The following ARHGAP23 variants were observed in gnomAD, a reference collection of about 807,000 sequenced individuals.
The protein encoded by ARHGAP23 is rho GTPase-activating protein 23.
Under a neutral mutation model 136.3 loss-of-function variants are expected in ARHGAP23, and 34 were observed. That is an observed-to-expected ratio of 0.25 (90% confidence interval 0.19 to 0.33). The LOEUF is 0.33. Ranked by LOEUF, ARHGAP23 falls within the 10% of genes least tolerant of loss-of-function variation. The pLI, the probability that ARHGAP23 is intolerant of heterozygous loss-of-function variation, is 1.00. For synonymous variants in ARHGAP23, 832 were observed against 920.5 expected (o/e 0.90, Z 1.74); for missense variants, 1,808 against 2,139.0 (o/e 0.85, Z 3.05).
chr17:38,420,268 C>T (rs1391374637), intron 1 of ARHGAP23, among the ~76,000 whole-genome samples: 1 of 152,226 alleles, frequency 6.6e-6, no homozygotes, highest in Admixed American at 6.5e-5. Flanking sequence ...TGATGGGGGG[C>T]AGAGCGAGGG....
chr17:38,444,631 C>T (rs562795176), intron 1 of ARHGAP23, among the ~76,000 whole-genome samples: 31 of 152,126 alleles, frequency 2.0e-4, no homozygotes, highest in Non-Finnish European at 3.4e-4. Flanking sequence ...TCAGGCTGGG[C>T]GATCCCCCTG....
chr17:38,452,141 C>T (rs113372726), intron 1 of ARHGAP23, among the ~76,000 whole-genome samples: 2,134 of 152,196 alleles, frequency 0.014, 58 homozygotes, highest in African/African-American at 0.049. Flanking sequence ...CCTCGTGGTC[C>T]GCTCTGCTCC....
chr17:38,484,273 G>T (rs1318658619), intron 16 of ARHGAP23, among the ~76,000 whole-genome samples: 1 of 152,120 alleles, frequency 6.6e-6, no homozygotes, highest in Non-Finnish European at 1.5e-5. Context: ...GCATGTTTGA[G>T]CTGGGGCTGG....
At chr17:38,504,367 A>C (rs891346161) in intron 23 of ARHGAP23, among the ~76,000 whole-genome samples, 4 of 152,200 alleles carry the variant, frequency 2.6e-5, no homozygotes, top group Non-Finnish European at 4.4e-5. Flanking sequence ...AATCGGAGTC[A>C]GGGAAGCAGG....
chr17:38,441,583 C>G (rs942246193), intron 1 of ARHGAP23, among the ~76,000 whole-genome samples: 1 of 152,166 alleles, frequency 6.6e-6, no homozygotes, highest in Admixed American at 6.5e-5. Flanking sequence ...AGTGATGAGG[C>G]GTATAATGAG....
chr17:38,445,757 C>T (rs60017225), intron 1 of ARHGAP23, among the ~76,000 whole-genome samples: 26,314 of 151,650 alleles, frequency 0.17, 3,363 homozygotes, highest in African/African-American at 0.36. Flanking sequence ...ATCTCAGCTT[C>T]CTGAGGAGCT....
In ARHGAP23 at chr17:38,470,201, G is replaced by A. The variant is rs764314124; in HGVS notation, c.1974+297G>A. Among the ~76,000 whole-genome samples, 4 of 152,274 alleles carry A rather than the reference G, an allele frequency of 2.6e-5. No homozygotes were observed. The East Asian group carries it at 5.8e-4, about 22-fold the overall frequency. ...TCTCCCCTGTCTTCGCGGCTTTTTA[G>A]GTCTTCCCTGAAATTCCAGCCTCCG... On this transcript the variant is annotated intron_variant, in intron 10 of 23. Transcript: ENST00000622683.
At chr17:38,436,390 C>G (rs1214511664) in intron 1 of ARHGAP23, among the ~76,000 whole-genome samples, 5 of 132,182 alleles carry the variant, frequency 3.8e-5, no homozygotes, top group Non-Finnish European at 8.9e-5. Flanking sequence ...GCTACCCCTA[C>G]CCCCCCAAAA....
At chr17:38,464,590 A>AG (rs563134213) in intron 6 of ARHGAP23, among the ~76,000 whole-genome samples, 2 of 152,136 alleles carry the variant, frequency 1.3e-5, no homozygotes, top group East Asian at 1.9e-4. Flanking sequence ...GGGAGGAAGG[A>AG]GGGGGGGATC....
rs550358924 is a variant in ARHGAP23 at position 38,477,389 on chromosome 17, C to T, written c.2119-190C>T. Among the ~76,000 whole-genome samples the T allele has an allele frequency of 2.6e-5, 4 of 151,912 alleles. No homozygotes were observed. The East Asian group carries it at 7.8e-4, about 30-fold the overall frequency. On this transcript the variant is annotated intron_variant, in intron 11 of 23. Coordinates refer to ENST00000622683, the MANE Select transcript of ARHGAP23 (RefSeq NM_001199417.2). The surrounding 1 kb of genome is among the most constrained non-coding windows in gnomAD (Gnocchi z 6.6). ...TGATGGGTAGGGGTGTCTAGGCAGG[C>T]AAGGGGCTGAGAAGGCATTGGTGGG...
In ARHGAP23 at chr17:38,490,549, A is replaced by C. The variant is rs1339890559; in HGVS notation, c.3148A>C (p.Lys1050Gln). 2.6e-6 allele frequency: 4 copies of C among 1,541,190 alleles called. No homozygotes were observed. Among genetic ancestry groups the C allele is most frequent in the Non-Finnish European group, 3.5e-6 (4 of 1,139,200 alleles). Residue 1050 changes from lysine to glutamine, a missense_variant and splice_region_variant, in exon 19 of 24, where the codon AAG (lysine) becomes CAG (glutamine). Lys to Gln is a moderately conservative substitution (Grantham distance 53). Around this residue, in one of 7 missense-constraint regions of ARHGAP23, gnomAD observed 105 missense variants for 200.6 expected, o/e 0.52. Transcript: ENST00000622683. ...KTIADHSEKN[K>Q]MEPRNLALVF... ...CATCGCTGACCACTCTGAGAAAAAC[A>C]AGGTGGGTAGGAGTCCCGCATGGAG... is the stretch of plus-strand genomic sequence containing the variant.
At chr17:38,493,805 A>G (rs2040331130) in intron 20 of ARHGAP23, among the ~76,000 whole-genome samples, 1 of 152,224 alleles carries the variant, frequency 6.6e-6, no homozygotes, top group African/African-American at 2.4e-5. Flanking sequence ...AGATAATGGC[A>G]GAGCAGAGAG....
chr17:38,429,922 C>T (rs2038650023), intron 1 of ARHGAP23, among the ~76,000 whole-genome samples: 1 of 152,196 alleles, frequency 6.6e-6, no homozygotes, highest in Admixed American at 6.5e-5. Flanking sequence ...CTCTCACTGC[C>T]ATGTGCTCCT....
chr17:38,469,767 C>T, intron 9 of ARHGAP23, 80 bp from the exon 10 acceptor site: 3 of 1,524,394 alleles, frequency 2.0e-6, no homozygotes, highest in Non-Finnish European at 2.7e-6. Context: ...GGCTTCTGGG[C>T]TTGGGGTTTG....
chr17:38,440,437 C>T (rs113143631), intron 1 of ARHGAP23, among the ~76,000 whole-genome samples: 5 of 152,198 alleles, frequency 3.3e-5, no homozygotes, highest in African/African-American at 7.2e-5. Context: ...CCTCAGACTA[C>T]GGGACTGATT....
Position 38,428,464 on chromosome 17 carries a change from G to C in ARHGAP23, c.-22G>C. The C allele has an allele frequency of 1.4e-6, 2 of 1,423,602 alleles. No individual in the cohort carries two copies. Among genetic ancestry groups the C allele is most frequent in the Non-Finnish European group, 1.8e-6 (2 of 1,087,560 alleles). 88.2% of individuals were successfully genotyped at this position (1,423,602 alleles called of 1,614,324 possible). The stretch of plus-strand genomic sequence containing the variant: ...CGGCGCCCCCAGCCGTGCCCCGGCC[G>C]CAGAGCCGCCGCTGCCACCCGATGA... On this transcript the variant is annotated 5_prime_UTR_variant, in exon 1 of 24. Transcript: ENST00000622683.
chr17:38,472,048 G>C (rs1313101266), intron 11 of ARHGAP23, 42 bp downstream of exon 11: 2 of 1,503,298 alleles, frequency 1.3e-6, no homozygotes, highest in East Asian at 4.9e-5. Context: ...GGCTCCAGCA[G>C]AACCCTCCAG....
Position 38,510,200 on chromosome 17 carries a change from C to G in ARHGAP23, c.3704C>G (p.Pro1235Arg). 2 of 1,363,540 alleles carry G rather than the reference C, an allele frequency of 1.5e-6. No homozygotes were observed. Among genetic ancestry groups the G allele is most frequent in the Non-Finnish European group, 1.9e-6 (2 of 1,058,758 alleles). The allele number at this position is 1,363,540 out of a possible 1,614,324, so 84.5% of individuals were successfully genotyped here. ...GGACGCCTCAGTCCCCCGGCGGCGC[C>G]GGAGGAGCGGCCGGCCGCGGACACG... ...APGRLSPPAA[P>R]EERPAADTRS... is the part of the protein sequence containing the mutation. Residue 1235 changes from proline to arginine, a missense_variant, in exon 24 of 24, where the codon CCG (proline) becomes CGG (arginine). Transcript: ENST00000622683. The surrounding 1 kb of genome is among the most constrained non-coding windows in gnomAD (Gnocchi z 4.6).
intron 11 of ARHGAP23, among the ~76,000 whole-genome samples, chr17:38,475,318 G>A (rs1487422447): frequency 6.6e-6 from 1 of 152,362 alleles, no homozygotes; most frequent in Admixed American, 6.5e-5. Flanking sequence ...TCATTTACCA[G>A]CCGGAGACAC....
Sources: gnomAD v4.1 joint callset for allele counts (sites outside exome capture counted in the v4.1 genomes callset) on GRCh38, gnomAD v4.1.1 for gene constraint, gnomAD v4.1.1 regional missense constraint, Gnocchi (gnomAD v3.1) non-coding constraint, MANE v1.5 for transcripts, NCBI Gene and HGNC (gene_info 2026-07-23, HGNC 2026-07-21) for gene names.